ACCSL: variants seen among roughly 807,000 people sequenced by gnomAD.
The protein encoded by ACCSL is 1-aminocyclopropane-1-carboxylate synthase homolog (inactive) like.
ACCSL carries 55 observed loss-of-function variants against 61.7 expected under a neutral mutation model. That is an observed-to-expected ratio of 0.89 (90% CI 0.72 to 1.12). The LOEUF (loss-of-function observed/expected upper bound fraction) is 1.12. Among genes scored for constraint, ACCSL ranks in the 50% most tolerant of loss-of-function variants. ACCSL has a pLI of 0.00. For missense variants in ACCSL, 632 were observed against 698.0 expected (o/e 0.91, Z 1.07); for synonymous variants, 258 against 264.3 (o/e 0.98, Z 0.23).
the ACCSL span, among the ~76,000 whole-genome samples, chr11:44,012,467 C>T: frequency 1.5e-4 from 23 of 152,030 alleles, no homozygotes; most frequent in African/African-American, 3.1e-4. Context: ...TTGTATTTTT[C>T]GTAGAAACGG....
At chr11:43,967,672 TTC>T in the ACCSL span, among the ~76,000 whole-genome samples, 1 of 152,182 alleles carries the variant, frequency 6.6e-6, no homozygotes, top group Non-Finnish European at 1.5e-5. Flanking sequence ...CTCAGCAGCA[TTC>T]TCTGTCTACC....
the ACCSL span, among the ~76,000 whole-genome samples, chr11:43,989,948 T>A: frequency 6.6e-6 from 1 of 152,160 alleles, no homozygotes; most frequent in East Asian, 1.9e-4. Context: ...CTTGTCTGAG[T>A]TCCAGGTCAG....
At chr11:43,964,835 T>TA in the ACCSL span, among the ~76,000 whole-genome samples, 60,541 of 151,722 alleles carry the variant, frequency 0.4, 13,075 homozygotes, top group East Asian at 0.6. Flanking sequence ...CAACAAAGGG[T>TA]AAAAAAACAC....
chr11:43,950,792 C>A, the ACCSL span, among the ~76,000 whole-genome samples: 1 of 152,214 alleles, frequency 6.6e-6, no homozygotes, highest in Non-Finnish European at 1.5e-5. Flanking sequence ...GGAGTGATCA[C>A]CTTGGACTAT....
the ACCSL span, among the ~76,000 whole-genome samples, chr11:43,931,824 T>C: frequency 6.6e-6 from 1 of 152,166 alleles, no homozygotes; most frequent in Non-Finnish European, 1.5e-5. Flanking sequence ...TAGGGGAAGA[T>C]GCCTTCCACA....
At chr11:43,922,865 A>G in the ACCSL span, among the ~76,000 whole-genome samples, 1 of 152,160 alleles carries the variant, frequency 6.6e-6, no homozygotes, top group African/African-American at 2.4e-5. Flanking sequence ...CAGGCTCCAC[A>G]CTAAAAATGT....
intron 13 of ACCSL, among the ~76,000 whole-genome samples, chr11:44,059,496 T>C (rs1952694145): frequency 6.6e-6 from 1 of 152,154 alleles, no homozygotes; most frequent in Non-Finnish European, 1.5e-5. Context: ...CTCATGAAGG[T>C]TTTTGTTACA....
chr11:44,012,320 C>T, the ACCSL span, among the ~76,000 whole-genome samples: 5 of 151,260 alleles, frequency 3.3e-5, no homozygotes, highest in Admixed American at 2.0e-4. Context: ...GAGTTTCGCT[C>T]TTTTTGCCCA....
chr11:44,050,562 G>T lies in ACCSL; in HGVS notation c.575G>T (p.Ser192Ile), dbSNP rs777397953. 31 of 1,613,938 alleles carry T rather than the reference G, an allele frequency of 1.9e-5. No homozygotes were observed. The highest frequency in any genetic ancestry group is 3.3e-5 in the South Asian group (3 of 91,038). Reference protein sequence around the residue: ...MDLMTERLQESDMNCIEDTLL... With the variant: ...MDLMTERLQEIDMNCIEDTLL... ...TCTATTTGTCAACAGTTGCAAGAAA[G>T]TGACATGAACTGCATTGAGGACACC... Residue 192 changes from serine (S) to isoleucine (I), a missense_variant, in exon 3 of 14, where the codon AGT (serine) becomes ATT (isoleucine). Ser to Ile is a moderately radical substitution (Grantham distance 142). Coordinates refer to ENST00000378832, the MANE Select transcript of ACCSL (RefSeq NM_001031854.2).
chr11:43,930,111 C>T, the ACCSL span, among the ~76,000 whole-genome samples: 2 of 152,168 alleles, frequency 1.3e-5, no homozygotes, highest in South Asian at 2.1e-4. Flanking sequence ...GAGGCAGGGC[C>T]GGATTCCCAC....
the ACCSL span, among the ~76,000 whole-genome samples, chr11:44,039,162 A>G: frequency 6.6e-6 from 1 of 152,218 alleles, no homozygotes; most frequent in African/African-American, 2.4e-5. Context: ...AGTGCAGGAC[A>G]GGATGGGGGA....
chr11:43,964,051 G>T, the ACCSL span, among the ~76,000 whole-genome samples: 13 of 143,828 alleles, frequency 9.0e-5, no homozygotes, highest in East Asian at 2.6e-3. Flanking sequence ...ATTTTATTTT[G>T]AGATTTAATC....
chr11:43,927,365 C>T, the ACCSL span, among the ~76,000 whole-genome samples: 6 of 152,172 alleles, frequency 3.9e-5, no homozygotes, highest in East Asian at 1.9e-4. Flanking sequence ...GGAGCCCATT[C>T]GGGCTTTGAC....
chr11:43,936,145 T>G, the ACCSL span, among the ~76,000 whole-genome samples: 1 of 152,302 alleles, frequency 6.6e-6, no homozygotes, highest in East Asian at 1.9e-4. Flanking sequence ...AGGGCCACGT[T>G]TGGGCATCAG....
Position 44,056,226 on chromosome 11 carries a change from C to A in ACCSL, c.1227C>A (p.Thr409=), listed in dbSNP as rs368188027. ...ISGFRFGALY[T]HNKEVASAVS... ...GCTTCCGCTTTGGTGCTCTGTATAC[C>A]CACAACAAGGAGGTGGCCTCTGCTG... Residue 409 remains threonine (T), a synonymous_variant, in exon 11 of 14, where the codon ACC becomes ACA. Transcript: ENST00000378832. 2 of 1,614,010 alleles carry A rather than the reference C, an allele frequency of 1.2e-6. No individual in the cohort carries two copies. The highest frequency in any genetic ancestry group is 1.7e-6 in the Non-Finnish European group (2 of 1,180,036).
the ACCSL span, among the ~76,000 whole-genome samples, chr11:44,002,177 C>T: frequency 4.6e-5 from 7 of 152,036 alleles, no homozygotes; most frequent in Admixed American, 1.3e-4. Context: ...TCCTGTGTTA[C>T]GTGGCCCCAG....
the ACCSL span, among the ~76,000 whole-genome samples, chr11:43,935,779 C>T: frequency 5.3e-4 from 80 of 152,334 alleles, 1 homozygote; most frequent in African/African-American, 1.8e-3. Context: ...AGACATGCGC[C>T]ACCATGCCCA....
At chr11:43,924,514 A>G in the ACCSL span, among the ~76,000 whole-genome samples, 1 of 152,218 alleles carries the variant, frequency 6.6e-6, no homozygotes. Context: ...GGACGGGGGC[A>G]GGCGAGTGGG....
the ACCSL span, among the ~76,000 whole-genome samples, chr11:43,965,642 C>A: frequency 2.0e-5 from 3 of 152,012 alleles, no homozygotes; most frequent in Non-Finnish European, 4.4e-5. Flanking sequence ...TGCAAGGCAC[C>A]CTGAATAGAT....
Sources: gnomAD v4.1 joint callset for allele counts (sites outside exome capture counted in the v4.1 genomes callset) on GRCh38, gnomAD v4.1.1 for gene constraint, MANE v1.5 for transcripts, NCBI Gene and HGNC (gene_info 2026-07-23, HGNC 2026-07-21) for gene names.